The following ZNG1E variants were observed in gnomAD, a reference collection of about 807,000 sequenced individuals.
ZNG1E encodes the protein Zn regulated GTPase metalloprotein activator 1E.
the ZNG1E span, among the ~76,000 whole-genome samples, chr9:65,659,180 A>T: frequency 6.6e-6 from 1 of 152,184 alleles, no homozygotes; most frequent in East Asian, 1.9e-4. Context: ...GTTGGAAGAC[A>T]CAGAGCAGTG....
chr9:65,691,177 G>A, the ZNG1E span: 1 of 1,101,812 alleles, frequency 9.1e-7, no homozygotes, highest in Non-Finnish European at 1.3e-6. Context: ...TTACCTCCTG[G>A]GTTCAAGTGA....
chr9:65,681,303 G>C, the ZNG1E span, among the ~76,000 whole-genome samples: 1 of 152,218 alleles, frequency 6.6e-6, no homozygotes, highest in Non-Finnish European at 1.5e-5. Flanking sequence ...TTAAGAAATG[G>C]GGGTGGCCAA....
the ZNG1E span, among the ~76,000 whole-genome samples, chr9:65,715,119 C>G: frequency 2.5e-5 from 3 of 118,600 alleles, no homozygotes; most frequent in African/African-American, 1.0e-4. Flanking sequence ...TTTTCAAGCC[C>G]GTCGGAAAAG....
At chr9:65,656,645 T>C in the ZNG1E span, among the ~76,000 whole-genome samples, 1 of 152,290 alleles carries the variant, frequency 6.6e-6, no homozygotes, top group Non-Finnish European at 1.5e-5. Context: ...CTGGAAAAGG[T>C]AAATAGAGAA....
chr9:65,662,133 G>A, the ZNG1E span, among the ~76,000 whole-genome samples: 2 of 152,236 alleles, frequency 1.3e-5, no homozygotes, highest in Non-Finnish European at 2.9e-5. Flanking sequence ...GCACAGAGAA[G>A]GATGCAACAT....
the ZNG1E span, among the ~76,000 whole-genome samples, chr9:65,709,348 T>G: frequency 2.6e-5 from 4 of 151,326 alleles, no homozygotes; most frequent in African/African-American, 9.8e-5. Context: ...TTTTTTTAAA[T>G]TTATTTATTT....
At chr9:65,701,417 C>G in the ZNG1E span, 1 of 151,834 alleles carries the variant, frequency 6.6e-6, no homozygotes, top group East Asian at 1.9e-4. Context: ...TATAATGTCT[C>G]CATGTGGAGG....
the ZNG1E span, among the ~76,000 whole-genome samples, chr9:65,718,293 G>T: frequency 6.9e-6 from 1 of 144,936 alleles, no homozygotes; most frequent in African/African-American, 2.6e-5. Context: ...TTATAAGCCT[G>T]AGCCACTGAA....
the ZNG1E span, chr9:65,731,233 AAGTCAAAAGATAAAATGAGGTGACTC>A: frequency 6.6e-6 from 1 of 150,626 alleles, no homozygotes; most frequent in African/African-American, 2.4e-5. Context: ...TGTGAAGAGT[AAGTCAAAAGATAAAATGAGGTGACTC>A]AGGCAAAAGT....
At chr9:65,686,678 T>C in the ZNG1E span, among the ~76,000 whole-genome samples, 99 of 152,190 alleles carry the variant, frequency 6.5e-4, no homozygotes, top group East Asian at 0.018. Context: ...TGTTACTTAG[T>C]GTAGCTACTT....
chr9:65,677,628 A>G, the ZNG1E span, among the ~76,000 whole-genome samples: 1 of 152,252 alleles, frequency 6.6e-6, no homozygotes, highest in African/African-American at 2.4e-5. Context: ...TATTCGTTGC[A>G]TGTTAGCCTT....
the ZNG1E span, among the ~76,000 whole-genome samples, chr9:65,674,872 G>A: frequency 2.8e-5 from 4 of 141,910 alleles, no homozygotes; most frequent in Admixed American, 1.5e-4. Flanking sequence ...GTTCATAGCA[G>A]CCCTGTTCAT....
the ZNG1E span, among the ~76,000 whole-genome samples, chr9:65,722,641 A>G: frequency 4.0e-5 from 3 of 75,034 alleles, no homozygotes; most frequent in African/African-American, 1.7e-4. Flanking sequence ...AGTGATTCTC[A>G]TGCCTCAGCC....
chr9:65,705,087 G>A, the ZNG1E span, among the ~76,000 whole-genome samples: 3 of 150,530 alleles, frequency 2.0e-5, no homozygotes, highest in South Asian at 6.3e-4. Context: ...CTCACCTTGA[G>A]TAGTTAAGAT....
At chr9:65,658,880 A>T in the ZNG1E span, among the ~76,000 whole-genome samples, 1 of 150,796 alleles carries the variant, frequency 6.6e-6, no homozygotes, top group Admixed American at 6.6e-5. Flanking sequence ...TCCTCTTCTT[A>T]AAGGGACACC....
chr9:65,709,288 CAAAT>C, the ZNG1E span, among the ~76,000 whole-genome samples: 20 of 150,464 alleles, frequency 1.3e-4, no homozygotes, highest in Non-Finnish European at 2.5e-4. Flanking sequence ...CGTTTTCACA[CAAAT>C]AACTCTCTTC....
the ZNG1E span, among the ~76,000 whole-genome samples, chr9:65,710,495 G>A: frequency 1.6e-4 from 25 of 151,736 alleles, no homozygotes; most frequent in South Asian, 3.8e-3. Flanking sequence ...TAGGTCAAAC[G>A]TTTAAGTCTT....
At chr9:65,665,213 T>A in the ZNG1E span, among the ~76,000 whole-genome samples, 1 of 152,286 alleles carries the variant, frequency 6.6e-6, no homozygotes, top group Admixed American at 6.5e-5. Context: ...GTCAGAGTTC[T>A]TCATGGCAGC....
the ZNG1E span, chr9:65,688,382 TC>T: frequency 1.3e-5 from 1 of 76,254 alleles, no homozygotes; most frequent in African/African-American, 4.4e-5. Context: ...GTTTTCAAGT[TC>T]TTCATTATGA....
Sources: gnomAD v4.1 joint callset for allele counts (sites outside exome capture counted in the v4.1 genomes callset) on GRCh38, gnomAD v4.1.1 for gene constraint, MANE v1.5 for transcripts, NCBI Gene and HGNC (gene_info 2026-07-23, HGNC 2026-07-21) for gene names.